RAPGEF2: variants seen among roughly 807,000 people sequenced by gnomAD.
The protein encoded by RAPGEF2 is PDZ domain containing guanine nucleotide exchange factor (GEF) 1.
Under a neutral mutation model 186.7 loss-of-function variants are expected in RAPGEF2, and 54 were observed. The observed-to-expected ratio is 0.29, with a 90% CI of 0.23 to 0.36. The LOEUF (loss-of-function observed/expected upper bound fraction) is 0.36. Among genes scored for constraint, RAPGEF2 ranks in the 10% least tolerant of loss-of-function variants. The pLI is 1.00. For synonymous variants in RAPGEF2, 712 were observed against 705.9 expected (o/e 1.01, Z -0.14); for missense variants, 1,532 against 2,045.0 (o/e 0.75, Z 4.84).
intron 1 of RAPGEF2, among the ~76,000 whole-genome samples, chr4:159,159,815 A>G (rs750125797): frequency 2.6e-4 from 39 of 152,218 alleles, no homozygotes; most frequent in Non-Finnish European, 4.3e-4. Context: ...GCAGCATCCT[A>G]TTTATAGATG....
At chr4:159,124,410 G>A (rs1279866844) in intron 1 of RAPGEF2, among the ~76,000 whole-genome samples, 3 of 151,882 alleles carry the variant, frequency 2.0e-5, no homozygotes, top group Admixed American at 1.3e-4. Flanking sequence ...ATGGTGGCAC[G>A]CGCCTGTAGT....
chr4:159,145,492 C>CCAAAAACATTGG (rs1742858446), intron 1 of RAPGEF2, among the ~76,000 whole-genome samples: 1 of 151,572 alleles, frequency 6.6e-6, no homozygotes, highest in Non-Finnish European at 1.5e-5. Flanking sequence ...CAAAACATTG[C>CCAAAAACATTGG]CAAAAACATT....
At chr4:159,156,497 A>G (rs1442116136) in intron 1 of RAPGEF2, among the ~76,000 whole-genome samples, 2 of 151,968 alleles carry the variant, frequency 1.3e-5, no homozygotes, top group African/African-American at 4.8e-5. Flanking sequence ...TTTAAAAAAA[A>G]TTATACTTTA....
At chr4:159,166,416 G>A (rs1745324319) in intron 1 of RAPGEF2, among the ~76,000 whole-genome samples, 1 of 152,208 alleles carries the variant, frequency 6.6e-6, no homozygotes, top group African/African-American at 2.4e-5. Flanking sequence ...TGTGGGGTGA[G>A]GGGTGAGTGC....
At chr4:159,118,716 G>C (rs780815108) in intron 1 of RAPGEF2, among the ~76,000 whole-genome samples, 9 of 152,002 alleles carry the variant, frequency 5.9e-5, no homozygotes, top group Non-Finnish European at 1.2e-4. Flanking sequence ...CTCCCAAGTC[G>C]CTGGGATTAC....
At chr4:159,342,061 A>G (rs1729541120) in intron 20 of RAPGEF2, 114 bp downstream of exon 20, 2 of 1,052,876 alleles carry the variant, frequency 1.9e-6, no homozygotes, top group East Asian at 5.1e-5. Context: ...ATTGACTCAT[A>G]AGAGACAATT....
At chr4:159,179,797 T>G (rs1274540255) in intron 1 of RAPGEF2, among the ~76,000 whole-genome samples, 1 of 152,206 alleles carries the variant, frequency 6.6e-6, no homozygotes, top group Non-Finnish European at 1.5e-5. Context: ...TTTCATGCCC[T>G]AAATCTCCTC....
intron 1 of RAPGEF2, among the ~76,000 whole-genome samples, chr4:159,130,937 C>T (rs114647237): frequency 0.019 from 2,868 of 152,132 alleles, 87 homozygotes; most frequent in African/African-American, 0.065. Context: ...CTCAAGCTTT[C>T]GGGCTCAAGC....
intron 7 of RAPGEF2, among the ~76,000 whole-genome samples, chr4:159,268,664 A>G (rs1427663654): frequency 2.6e-5 from 4 of 152,154 alleles, no homozygotes; most frequent in Non-Finnish European, 4.4e-5. Flanking sequence ...TAATAAAGCG[A>G]TCAGTGGGAC....
intron 4 of RAPGEF2, among the ~76,000 whole-genome samples, chr4:159,215,364 A>T (rs1750899954): frequency 6.7e-6 from 1 of 148,464 alleles, no homozygotes; most frequent in South Asian, 2.1e-4. Context: ...TGGGGGAAAG[A>T]TGGGGTTCTT....
intron 25 of RAPGEF2, 28 bp downstream of exon 25, chr4:159,347,026 T>C (rs370864454): frequency 6.3e-7 from 1 of 1,586,010 alleles, no homozygotes; most frequent in Non-Finnish European, 8.6e-7. Flanking sequence ...TTTCTTTTTT[T>C]GGTGCCATTC....
intron 7 of RAPGEF2, among the ~76,000 whole-genome samples, chr4:159,257,033 T>C (rs1454657775): frequency 1.3e-5 from 2 of 152,232 alleles, no homozygotes; most frequent in African/African-American, 4.8e-5. Flanking sequence ...GTGCAGAGGC[T>C]CTTTAGTTTA....
At chr4:159,122,717 A>T (rs779913292) in intron 1 of RAPGEF2, among the ~76,000 whole-genome samples, 1 of 152,224 alleles carries the variant, frequency 6.6e-6, no homozygotes, top group Non-Finnish European at 1.5e-5. Context: ...AGTAAACTGC[A>T]TATTGCAGTA....
intron 7 of RAPGEF2, among the ~76,000 whole-genome samples, chr4:159,249,140 GT>G (rs1020638461): frequency 7.9e-5 from 12 of 151,906 alleles, no homozygotes; most frequent in Admixed American, 7.2e-4. Context: ...GCTTGTACAT[GT>G]TTTAAATATA....
At chr4:159,174,032 C>T (rs1158790939) in intron 1 of RAPGEF2, among the ~76,000 whole-genome samples, 2 of 152,174 alleles carry the variant, frequency 1.3e-5, no homozygotes, top group Admixed American at 1.3e-4. Flanking sequence ...AATATTTATA[C>T]TGACTCTTGA....
chr4:159,300,705 T>C (rs957092667), intron 7 of RAPGEF2, among the ~76,000 whole-genome samples: 18 of 152,202 alleles, frequency 1.2e-4, no homozygotes, highest in African/African-American at 4.3e-4. Context: ...CTCAATTTAA[T>C]CTGTAATTTA....
chr4:159,107,564 T>C (rs1319846996), intron 1 of RAPGEF2, among the ~76,000 whole-genome samples: 1 of 152,158 alleles, frequency 6.6e-6, no homozygotes, highest in Non-Finnish European at 1.5e-5. Context: ...GTTAAAAATG[T>C]TATGTGTAAA....
intron 11 of RAPGEF2, among the ~76,000 whole-genome samples, chr4:159,325,389 G>A (rs943815728): frequency 6.6e-6 from 1 of 152,036 alleles, no homozygotes; most frequent in Non-Finnish European, 1.5e-5. Context: ...GCGGGAATGG[G>A]CATTTAAAGG....
intron 7 of RAPGEF2, among the ~76,000 whole-genome samples, chr4:159,292,285 G>A (rs548145686): frequency 2.0e-5 from 3 of 152,156 alleles, no homozygotes; most frequent in South Asian, 2.1e-4. Flanking sequence ...TAAAACATGC[G>A]AACGCCACCC....
Sources: allele counts gnomAD v4.1 joint callset (sites outside exome capture counted in the v4.1 genomes callset), GRCh38; gene constraint gnomAD v4.1.1; transcripts MANE v1.5; gene names NCBI Gene and HGNC (gene_info 2026-07-23, HGNC 2026-07-21).